CTNNBL1: variants seen among roughly 807,000 people sequenced by gnomAD.
CTNNBL1 encodes beta-catenin-like protein 1.
CTNNBL1 carries 31 observed loss-of-function variants against 72.7 expected under a neutral mutation model. That is an observed-to-expected ratio of 0.43 (90% CI 0.32 to 0.58). CTNNBL1 has a LOEUF of 0.58. Among genes scored for constraint, CTNNBL1 ranks in the 20% least tolerant of loss-of-function variants. The pLI is 0.08. For synonymous variants in CTNNBL1, 240 were observed against 267.3 expected (o/e 0.90, Z 1.00); for missense variants, 534 against 725.1 (o/e 0.74, Z 3.03).
At chr20:37,794,971 A>G (rs965692228) in intron 10 of CTNNBL1, among the ~76,000 whole-genome samples, 12 of 151,002 alleles carry the variant, frequency 7.9e-5, no homozygotes, top group African/African-American at 2.9e-4. Context: ...GTGTTACTCT[A>G]TTTGTAATTT....
chr20:37,799,860 C>A (rs1267744100), intron 10 of CTNNBL1, among the ~76,000 whole-genome samples: 2 of 152,254 alleles, frequency 1.3e-5, no homozygotes, highest in Non-Finnish European at 1.5e-5. Context: ...GGATGGCCAA[C>A]GCTCTCTCTT....
At chr20:37,835,960 G>A (rs141826750) in intron 11 of CTNNBL1, among the ~76,000 whole-genome samples, 12 of 152,312 alleles carry the variant, frequency 7.9e-5, no homozygotes, top group Admixed American at 3.3e-4. Flanking sequence ...GAATGGGTTC[G>A]TGGAAGGAAT....
intron 4 of CTNNBL1, among the ~76,000 whole-genome samples, chr20:37,748,016 T>C (rs1289256855): frequency 1.3e-5 from 2 of 152,214 alleles, no homozygotes; most frequent in African/African-American, 2.4e-5. Context: ...GCAAAGGCTT[T>C]TGATGTGCCT....
rs569020965 is a variant in CTNNBL1 at position 37,813,670 on chromosome 20, C to A, written c.1213+10622C>A. Among the ~76,000 whole-genome samples, 5 of 152,262 alleles carry A rather than the reference C, an allele frequency of 3.3e-5. No homozygotes were observed. In the South Asian group the frequency reaches 1.0e-3, roughly 32 times the overall value. ...TTCCATTGATGCTCTGTTATTGTGTCAGTAGGACTCTGTTAGTTTTCATTT... is the reference window on the plus strand; with the variant it reads ...TTCCATTGATGCTCTGTTATTGTGTAAGTAGGACTCTGTTAGTTTTCATTT... On this transcript the variant is annotated intron_variant, in intron 11 of 15. Transcript: ENST00000361383.
chr20:37,822,291 A>ATGC (rs2072115046), intron 11 of CTNNBL1, among the ~76,000 whole-genome samples: 1 of 151,950 alleles, frequency 6.6e-6, no homozygotes, highest in African/African-American at 2.4e-5. Flanking sequence ...GAGTTATGGA[A>ATGC]TACTGCTGCC....
At position 37,737,318 on chromosome 20, in the gene CTNNBL1, G is replaced by T. The variant is rs550764621; in HGVS notation, c.220-60G>T. 77 of 1,163,036 alleles carry T rather than the reference G, an allele frequency of 6.6e-5. 1 individual carries two copies. The South Asian group carries it at 8.5e-4, about 13-fold the overall frequency. 72.0% of individuals were successfully genotyped at this position (1,163,036 alleles called of 1,614,324 possible). A position where few individuals can be genotyped will look rare whatever the true frequency, so the allele number is the denominator to read the frequency against. ...GGGGTATAAGAGCCACAGGAAAGTA[G>T]TGACAATGAATGTGAAACCCCTGTG... On this transcript the variant is annotated intron_variant, in intron 2 of 15. Transcript: ENST00000361383.
chr20:37,755,707 CT>C (rs1434718305), intron 4 of CTNNBL1, among the ~76,000 whole-genome samples: 4 of 152,184 alleles, frequency 2.6e-5, no homozygotes, highest in Non-Finnish European at 5.9e-5. Flanking sequence ...TTCTTATATT[CT>C]GCATCTTTTA....
At chr20:37,794,688 G>A (rs2073756192) in intron 10 of CTNNBL1, among the ~76,000 whole-genome samples, 1 of 151,368 alleles carries the variant, frequency 6.6e-6, no homozygotes, top group Non-Finnish European at 1.5e-5. Context: ...TTTAAGTAGA[G>A]ACGGGGTCTC....
intron 11 of CTNNBL1, among the ~76,000 whole-genome samples, chr20:37,819,955 A>G (rs1317172166): frequency 1.3e-5 from 2 of 149,710 alleles, no homozygotes; most frequent in Non-Finnish European, 3.0e-5. Context: ...GCTCACTGCA[A>G]CCTCCGCATC....
intron 1 of CTNNBL1, among the ~76,000 whole-genome samples, chr20:37,714,524 A>G (rs888180206): frequency 2.0e-5 from 3 of 152,250 alleles, no homozygotes; most frequent in Non-Finnish European, 2.9e-5. Context: ...GATGATCTTC[A>G]TAAAAGCCTG....
intron 13 of CTNNBL1, among the ~76,000 whole-genome samples, chr20:37,851,184 C>CT (rs2122839366): frequency 6.6e-6 from 1 of 152,328 alleles, no homozygotes; most frequent in South Asian, 2.1e-4. Flanking sequence ...TTAGCAGCCC[C>CT]TAAACAGGCT....
At chr20:37,854,551 ATAT>A (rs139266490) in intron 13 of CTNNBL1, among the ~76,000 whole-genome samples, 28,544 of 128,742 alleles carry the variant, frequency 0.22, 3,217 homozygotes, top group Non-Finnish European at 0.24. Context: ...CTGCCTCTCA[ATAT>A]TATTATTATT....
At chr20:37,767,865 G>T in intron 6 of CTNNBL1, 88 bp from the exon 7 acceptor site, 1 of 1,004,694 alleles carries the variant, frequency 1.0e-6, no homozygotes, top group South Asian at 1.3e-5. Context: ...AGTGGGGAGA[G>T]GAATAACATG....
chr20:37,814,181 G>A (rs1441504091), intron 11 of CTNNBL1, among the ~76,000 whole-genome samples: 1 of 152,178 alleles, frequency 6.6e-6, no homozygotes, highest in Non-Finnish European at 1.5e-5. Context: ...CACAAGCAGT[G>A]CACTTCTGCT....
intron 13 of CTNNBL1, among the ~76,000 whole-genome samples, chr20:37,852,526 C>T (rs1273276611): frequency 6.6e-6 from 1 of 152,152 alleles, no homozygotes; most frequent in Non-Finnish European, 1.5e-5. Context: ...TCTCTGGGAA[C>T]GCCATCAGCC....
intron 1 of CTNNBL1, among the ~76,000 whole-genome samples, chr20:37,718,120 G>A (rs1418936335): frequency 6.6e-6 from 1 of 151,368 alleles, no homozygotes; most frequent in East Asian, 2.0e-4. Flanking sequence ...ATGAGCTGTT[G>A]GGTACACCTC....
intron 11 of CTNNBL1, among the ~76,000 whole-genome samples, chr20:37,804,446 G>A (rs535165742): frequency 1.3e-5 from 2 of 152,170 alleles, no homozygotes; most frequent in East Asian, 1.9e-4. Context: ...GAAGGCAGCC[G>A]AGCTGTGGGT....
At chr20:37,751,127 C>T (rs1464327126) in intron 4 of CTNNBL1, 2 of 151,930 alleles carry the variant, frequency 1.3e-5, no homozygotes, top group African/African-American at 4.8e-5. Flanking sequence ...ACAAATTTAT[C>T]AAGGTATCGG....
chr20:37,739,078 CTGTGTGTGTG>C (rs34184566), intron 3 of CTNNBL1, among the ~76,000 whole-genome samples: 37,761 of 147,288 alleles, frequency 0.26, 4,710 homozygotes, highest in Admixed American at 0.29. Flanking sequence ...TACAGGAGCA[CTGTGTGTGTG>C]TGTGTGTGTG....
Sources: gnomAD v4.1 joint callset for allele counts (sites outside exome capture counted in the v4.1 genomes callset) on GRCh38, gnomAD v4.1.1 for gene constraint, MANE v1.5 for transcripts, NCBI Gene and HGNC (gene_info 2026-07-23, HGNC 2026-07-21) for gene names.